KANSL1L: variants seen among roughly 807,000 people sequenced by gnomAD.
The protein encoded by KANSL1L is KAT8 regulatory NSL complex subunit 1 like.
In KANSL1L, 25 loss-of-function variants were observed where a neutral mutation model predicts 108.6. That is an observed-to-expected ratio of 0.23 (90% CI 0.17 to 0.32). The LOEUF (loss-of-function observed/expected upper bound fraction) is 0.32, where lower values mean the gene tolerates loss of function less well. KANSL1L is among the 10% of genes least tolerant of loss of function. KANSL1L has a pLI of 1.00. For synonymous variants in KANSL1L, 405 were observed against 395.1 expected, an observed-to-expected ratio of 1.03 and a Z score of -0.30; for missense variants, 1,137 against 1,125.7, an observed-to-expected ratio of 1.01 and a Z score of -0.14.
chr2:210,079,580 G>T (rs1252159980), intron 5 of KANSL1L, among the ~76,000 whole-genome samples: 1 of 112,376 alleles, frequency 8.9e-6, no homozygotes, highest in Non-Finnish European at 1.8e-5. Context: ...AACAGAGTGA[G>T]ACTCTGTCTC....
chr2:210,094,234 T>C (rs182317046), intron 5 of KANSL1L, among the ~76,000 whole-genome samples: 15 of 152,284 alleles, frequency 9.9e-5, no homozygotes, highest in Non-Finnish European at 2.9e-5. Flanking sequence ...TTTTATAATT[T>C]TGAAAAATAC....
chr2:210,057,768 A>G (rs546654581), intron 6 of KANSL1L, among the ~76,000 whole-genome samples: 1 of 152,326 alleles, frequency 6.6e-6, no homozygotes, highest in South Asian at 2.1e-4. Flanking sequence ...TCTTTACCAC[A>G]ATCTCCGAAC....
In KANSL1L at chr2:210,155,594, C is replaced by T. The variant is rs149397756; in HGVS notation, c.-29-983G>A. 1.1e-3 allele frequency among the ~76,000 whole-genome samples: 166 copies of T among 152,186 alleles called. 1 individual carries two copies. Among genetic ancestry groups the T allele is most frequent in the African/African-American group, 3.6e-3 (149 of 41,524 alleles). On this transcript the variant is annotated intron_variant, in intron 1 of 14. Coordinates refer to ENST00000281772, the MANE Select transcript of KANSL1L (RefSeq NM_152519.4). The stretch of plus-strand genomic sequence containing the variant: ...GCATTTACTCCTGCCTAGAAAATAG[C>T]GGAGACAGTGTCAGATAACCGCTAA...
chr2:210,059,034 C>G (rs1365583855), intron 6 of KANSL1L, among the ~76,000 whole-genome samples: 1 of 149,176 alleles, frequency 6.7e-6, no homozygotes, highest in East Asian at 2.0e-4. Flanking sequence ...GAATTTTGCC[C>G]AATATCTGGC....
intron 1 of KANSL1L, among the ~76,000 whole-genome samples, chr2:210,165,122 T>C (rs1397375530): frequency 1.3e-5 from 2 of 151,324 alleles, no homozygotes; most frequent in East Asian, 3.9e-4. Flanking sequence ...ACCAAAGCAC[T>C]GGCATACTTT....
chr2:210,167,722 A>G (rs1688069262), intron 1 of KANSL1L, among the ~76,000 whole-genome samples: 3 of 152,048 alleles, frequency 2.0e-5, no homozygotes. Flanking sequence ...ATATTTTTAG[A>G]ATATTAACAA....
intron 5 of KANSL1L, among the ~76,000 whole-genome samples, chr2:210,079,470 C>T (rs2125337815): frequency 6.6e-6 from 1 of 150,454 alleles, no homozygotes; most frequent in South Asian, 2.1e-4. Flanking sequence ...GTGGCCCATA[C>T]CTATAATCCT....
At chr2:210,098,824 T>A (rs949311139) in intron 4 of KANSL1L, among the ~76,000 whole-genome samples, 2 of 151,712 alleles carry the variant, frequency 1.3e-5, no homozygotes, top group African/African-American at 4.8e-5. Context: ...ATCAGAGTTT[T>A]TTTTTTAGCA....
intron 3 of KANSL1L, among the ~76,000 whole-genome samples, chr2:210,116,329 T>C (rs767630091): frequency 1.3e-5 from 2 of 152,062 alleles, no homozygotes; most frequent in African/African-American, 2.4e-5. Context: ...GGGAGAAAAC[T>C]TGCCACCCTT....
intron 5 of KANSL1L, among the ~76,000 whole-genome samples, chr2:210,081,471 C>T (rs933144224): frequency 3.9e-5 from 6 of 152,186 alleles, no homozygotes; most frequent in African/African-American, 1.4e-4. Context: ...ATTCCCTGAG[C>T]TCTGAAAGGT....
At chr2:210,166,408 T>C (rs891999653) in intron 1 of KANSL1L, among the ~76,000 whole-genome samples, 3 of 152,132 alleles carry the variant, frequency 2.0e-5, no homozygotes, top group African/African-American at 7.2e-5. Context: ...TTGACAAACT[T>C]TCTAAAGAAA....
intron 1 of KANSL1L, among the ~76,000 whole-genome samples, chr2:210,159,965 G>A (rs1404389304): frequency 6.6e-6 from 1 of 152,220 alleles, no homozygotes. Flanking sequence ...GAACCCGGGA[G>A]GTGGAGCTTG....
intron 3 of KANSL1L, among the ~76,000 whole-genome samples, chr2:210,121,290 A>G (rs917408081): frequency 5.3e-5 from 8 of 152,252 alleles, no homozygotes; most frequent in Admixed American, 2.6e-4. Context: ...TGTGGTACAC[A>G]TACACCATGG....
chr2:210,165,696 A>G (rs1687912492), intron 1 of KANSL1L, among the ~76,000 whole-genome samples: 2 of 152,342 alleles, frequency 1.3e-5, no homozygotes, highest in African/African-American at 2.4e-5. Context: ...TCTATACCAT[A>G]AATTCTAATT....
intron 1 of KANSL1L, among the ~76,000 whole-genome samples, chr2:210,170,011 G>A (rs1002662888): frequency 6.6e-6 from 1 of 152,208 alleles, no homozygotes; most frequent in Non-Finnish European, 1.5e-5. Context: ...TTTGACATCA[G>A]AGAGGTGACT....
chr2:210,067,725 A>G (rs1319637747), intron 6 of KANSL1L, among the ~76,000 whole-genome samples: 1 of 48,160 alleles, frequency 2.1e-5, no homozygotes, highest in Admixed American at 3.4e-4. Context: ...CCAAAAAAAA[A>G]AAAAAAAAAA....
chr2:210,022,511 C>A lies in KANSL1L; in HGVS notation c.*438G>T. The A allele has an allele frequency of 6.1e-6, 1 of 165,204 alleles. No homozygotes were observed. 10.2% of individuals were successfully genotyped at this position (165,204 alleles called of 1,614,324 possible). On this transcript the variant is annotated 3_prime_UTR_variant, in exon 15 of 15. Transcript: ENST00000281772. ...TGTGTGTGTATGTTTATTTTATACA[C>A]ACATATTTGTATATTCTAATATATT...
At chr2:210,122,437 T>A (rs977196299) in intron 3 of KANSL1L, among the ~76,000 whole-genome samples, 2 of 152,030 alleles carry the variant, frequency 1.3e-5, no homozygotes, top group African/African-American at 4.8e-5. Context: ...GAAAAAACAG[T>A]CTCCAGTAAA....
At chr2:210,096,805 A>G (rs2094740199) in intron 5 of KANSL1L, 2 of 931,058 alleles carry the variant, frequency 2.1e-6, no homozygotes, top group Admixed American at 6.2e-5. Context: ...ATAAAGCAAA[A>G]CCAATAGAAC....
Sources: allele counts gnomAD v4.1 joint callset (sites outside exome capture counted in the v4.1 genomes callset), GRCh38; gene constraint gnomAD v4.1.1; transcripts MANE v1.5; gene names NCBI Gene and HGNC (gene_info 2026-07-23, HGNC 2026-07-21).